The following DPP6 variants were observed in gnomAD, a reference collection of about 807,000 sequenced individuals.
DPP6 encodes A-type potassium channel modulatory protein DPP6.
Under a neutral mutation model 122.6 loss-of-function variants are expected in DPP6, and 69 were observed. That is an observed-to-expected ratio of 0.56 (90% CI 0.46 to 0.69). The LOEUF is 0.69. Ranked by LOEUF, DPP6 falls within the 30% of genes least tolerant of loss-of-function variation. DPP6 has a pLI of 0.00. For synonymous variants in DPP6, 418 were observed against 433.1 expected (o/e 0.97, Z 0.43); for missense variants, 928 against 1,116.9 (o/e 0.83, Z 2.41).
At chr7:154,744,835 C>A (rs959498575) in intron 8 of DPP6, among the ~76,000 whole-genome samples, 5 of 152,144 alleles carry the variant, frequency 3.3e-5, no homozygotes, top group African/African-American at 1.2e-4. Context: ...TGATTTTTCT[C>A]AAATATCTAC....
chr7:154,438,534 A>G (rs907166438), intron 1 of DPP6, among the ~76,000 whole-genome samples: 23 of 150,890 alleles, frequency 1.5e-4, no homozygotes, highest in Non-Finnish European at 3.3e-4. Flanking sequence ...AAGTAACAGG[A>G]GTGCATTATT....
At chr7:154,728,659 G>A (rs1311042385) in intron 8 of DPP6, among the ~76,000 whole-genome samples, 1 of 152,164 alleles carries the variant, frequency 6.6e-6, no homozygotes, top group African/African-American at 2.4e-5. Flanking sequence ...CCACAGACTA[G>A]GTAGCTTAAA....
chr7:154,667,757 A>C (rs1042176233), intron 6 of DPP6, among the ~76,000 whole-genome samples: 1 of 151,468 alleles, frequency 6.6e-6, no homozygotes, highest in African/African-American at 2.4e-5. Flanking sequence ...AATGTTAAAA[A>C]CTCATCTATT....
intron 6 of DPP6, among the ~76,000 whole-genome samples, chr7:154,644,549 A>T (rs1836318738): frequency 6.6e-6 from 1 of 152,020 alleles, no homozygotes; most frequent in Non-Finnish European, 1.5e-5. Context: ...CCTGTGTGTG[A>T]GTCTCCAGGG....
intron 16 of DPP6, among the ~76,000 whole-genome samples, chr7:154,847,712 A>G (rs189579501): frequency 3.5e-4 from 53 of 152,304 alleles, no homozygotes; most frequent in African/African-American, 1.1e-3. Context: ...GAAATATACA[A>G]TGCATTATTA....
intron 1 of DPP6, among the ~76,000 whole-genome samples, chr7:154,299,489 G>T (rs1805760638): frequency 6.6e-6 from 1 of 152,176 alleles, no homozygotes; most frequent in East Asian, 1.9e-4. Flanking sequence ...CTTTTTGTAT[G>T]AGTTGAAGAA....
In DPP6 at chr7:154,329,988, T is replaced by C. The variant is rs909218880; in HGVS notation, c.244-116226T>C. The stretch of plus-strand genomic sequence containing the variant: ...GCGGGAGTTGAACAATGAGAACACA[T>C]GGACGACACAGGGAGGGGAACATCA... On this transcript the variant is annotated intron_variant, in intron 1 of 25. Coordinates refer to ENST00000377770, the MANE Select transcript of DPP6 (RefSeq NM_130797.4). Among the ~76,000 whole-genome samples the C allele has an allele frequency of 3.9e-5, 6 of 152,022 alleles. No individual in the cohort carries two copies. The East Asian group carries it at 7.8e-4, about 20-fold the overall frequency.
At chr7:154,846,056 G>A (rs1801918010) in intron 16 of DPP6, among the ~76,000 whole-genome samples, 1 of 152,180 alleles carries the variant, frequency 6.6e-6, no homozygotes, top group African/African-American at 2.4e-5. Context: ...TGGGACCAAT[G>A]GGATGAGTCT....
intron 12 of DPP6, chr7:154,796,160 G>C (rs1193665408): frequency 6.6e-6 from 3 of 455,214 alleles, no homozygotes; most frequent in Non-Finnish European, 1.2e-5. Flanking sequence ...CTTGCAGTTA[G>C]ATGCCAGCAC....
intron 16 of DPP6, among the ~76,000 whole-genome samples, chr7:154,811,446 C>G (rs929627576): frequency 6.6e-6 from 1 of 152,100 alleles, no homozygotes; most frequent in Non-Finnish European, 1.5e-5. Context: ...ATTTGGATTG[C>G]TTGGGGCATT....
At chr7:154,492,786 G>C (rs1253742425) in intron 3 of DPP6, among the ~76,000 whole-genome samples, 1 of 152,162 alleles carries the variant, frequency 6.6e-6, no homozygotes, top group Non-Finnish European at 1.5e-5. Flanking sequence ...ATCCTACAAG[G>C]AGGTGGTTCT....
chr7:154,074,108 G>GATATATAGAGATCTATAT (rs1563170862), intron 1 of DPP6, among the ~76,000 whole-genome samples: 9 of 73,028 alleles, frequency 1.2e-4, no homozygotes, highest in East Asian at 7.9e-4. Flanking sequence ...TATAGAGATA[G>GATATATAGAGATCTATAT]AGAGATATAT....
At chr7:153,764,325 T>C in the DPP6 span, among the ~76,000 whole-genome samples, 1 of 150,024 alleles carries the variant, frequency 6.7e-6, no homozygotes, top group African/African-American at 2.5e-5. Flanking sequence ...CACTCGCTAG[T>C]CCTCCCTGGC....
chr7:154,459,655 A>G (rs1412943879), intron 2 of DPP6, among the ~76,000 whole-genome samples: 1 of 151,858 alleles, frequency 6.6e-6, no homozygotes, highest in South Asian at 2.1e-4. Context: ...CGTATCTGCT[A>G]AAAATACAAA....
At chr7:154,665,869 G>GAA (rs1838118555) in intron 6 of DPP6, among the ~76,000 whole-genome samples, 1 of 151,348 alleles carries the variant, frequency 6.6e-6, no homozygotes, top group African/African-American at 2.4e-5. Flanking sequence ...TTTCAACAGT[G>GAA]AAAAACCTGG....
intron 1 of DPP6, among the ~76,000 whole-genome samples, chr7:154,159,262 G>T (rs1796853552): frequency 6.6e-6 from 1 of 152,120 alleles, no homozygotes. Context: ...CAGGTACTTC[G>T]GTTCCTGTTT....
intron 7 of DPP6, among the ~76,000 whole-genome samples, chr7:154,691,091 A>G (rs536120842): frequency 6.6e-5 from 10 of 152,330 alleles, no homozygotes; most frequent in Middle Eastern, 3.4e-3. Context: ...GTGCAACTCA[A>G]ATGCTTTGCT....
At chr7:154,212,703 G>A (rs1799804479) in intron 1 of DPP6, among the ~76,000 whole-genome samples, 1 of 152,194 alleles carries the variant, frequency 6.6e-6, no homozygotes, top group Admixed American at 6.5e-5. Flanking sequence ...CAATTGTTGA[G>A]GACCTAATAT....
chr7:154,272,654 G>C (rs1448606250), intron 1 of DPP6, among the ~76,000 whole-genome samples: 2 of 152,126 alleles, frequency 1.3e-5, no homozygotes, highest in African/African-American at 2.4e-5. Context: ...AGCCCCAGGA[G>C]TGTTGAGGGG....
Sources: allele counts gnomAD v4.1 joint callset (sites outside exome capture counted in the v4.1 genomes callset), GRCh38; gene constraint gnomAD v4.1.1; transcripts MANE v1.5; gene names NCBI Gene and HGNC (gene_info 2026-07-23, HGNC 2026-07-21).